INSL6: variants seen among roughly 807,000 people sequenced by gnomAD.
INSL6 encodes the protein insulin like 6, also known as insulin-like peptide INSL6.
Under a neutral mutation model 9.4 loss-of-function variants are expected in INSL6, and 16 were observed. The observed-to-expected ratio is 1.70, with a 90% CI of 1.15 to 2.59. The LOEUF (loss-of-function observed/expected upper bound fraction) is 2.59. Among genes scored for constraint, INSL6 ranks in the 30% most tolerant of loss-of-function variants. The pLI is 0.00. For synonymous variants in INSL6, 154 were observed against 96.9 expected (o/e 1.59, Z -3.46); for missense variants, 391 against 257.3 (o/e 1.52, Z -3.56).
At chr9:5,081,345 A>G in the INSL6 span, among the ~76,000 whole-genome samples, 63 of 152,074 alleles carry the variant, frequency 4.1e-4, no homozygotes, top group African/African-American at 1.4e-3. Flanking sequence ...TCTAAACATG[A>G]GCTGTATTTG....
chr9:5,162,776 C>G (rs1043041432), downstream of INSL6, among the ~76,000 whole-genome samples: 4 of 152,116 alleles, frequency 2.6e-5, no homozygotes, highest in East Asian at 7.7e-4. Flanking sequence ...AACCTTTGTT[C>G]TAAGAATTAA....
chr9:5,154,564 A>T (rs1019210768), intron 2 of INSL6, among the ~76,000 whole-genome samples: 2 of 152,244 alleles, frequency 1.3e-5, no homozygotes, highest in African/African-American at 2.4e-5. Context: ...AAATTTTTGC[A>T]ATCTACTCAT....
chr9:5,175,707 G>C (rs1825286702), intron 1 of INSL6, among the ~76,000 whole-genome samples: 1 of 152,114 alleles, frequency 6.6e-6, no homozygotes, highest in Admixed American at 6.5e-5. Context: ...GATTCTTATA[G>C]GAGTGTGAAC....
chr9:5,113,954 G>A, the INSL6 span: 1 of 263,434 alleles, frequency 3.8e-6, no homozygotes, highest in Non-Finnish European at 7.6e-6. Context: ...CTCATCTCTG[G>A]GTACACCCAG....
chr9:5,180,268 G>A (rs1825420461), intron 1 of INSL6, among the ~76,000 whole-genome samples: 1 of 152,138 alleles, frequency 6.6e-6, no homozygotes. Flanking sequence ...TGTGTTAACT[G>A]TACAAATTGA....
the INSL6 span, among the ~76,000 whole-genome samples, chr9:5,029,570 G>T: frequency 6.6e-6 from 1 of 152,068 alleles, no homozygotes; most frequent in East Asian, 1.9e-4. Flanking sequence ...GTACAATAAT[G>T]CAGGGTGCAC....
At chr9:5,162,768 C>A (rs921255312), downstream of INSL6, among the ~76,000 whole-genome samples, 1 of 152,038 alleles carries the variant, frequency 6.6e-6, no homozygotes, top group Non-Finnish European at 1.5e-5. Flanking sequence ...TGGAAAAGAA[C>A]CTTTGTTCTA....
At chr9:5,112,634 G>A in the INSL6 span, 7 of 998,112 alleles carry the variant, frequency 7.0e-6, 1 homozygote, top group Admixed American at 1.3e-4. Flanking sequence ...CCTCAACAGC[G>A]AGAAGCCCCA....
chr9:5,103,555 T>C, the INSL6 span, among the ~76,000 whole-genome samples: 17 of 152,102 alleles, frequency 1.1e-4, no homozygotes, highest in Non-Finnish European at 2.1e-4. Context: ...TGAACTCAGC[T>C]CTGCACCATG....
At chr9:4,999,891 T>C in the INSL6 span, among the ~76,000 whole-genome samples, 1 of 152,202 alleles carries the variant, frequency 6.6e-6, no homozygotes, top group African/African-American at 2.4e-5. Context: ...CTCCTGTCCT[T>C]TTTCAAAGGA....
chr9:5,069,251 T>C, the INSL6 span: 1 of 1,377,868 alleles, frequency 7.3e-7, no homozygotes, highest in Non-Finnish European at 1.0e-6. Context: ...TGGTCATGGA[T>C]TGTTTATGTG....
intron 1 of INSL6, among the ~76,000 whole-genome samples, chr9:5,164,551 G>A (rs113785352): frequency 1.2e-3 from 185 of 152,306 alleles, no homozygotes; most frequent in African/African-American, 4.3e-3. Context: ...GTGGGTCTTA[G>A]TATATTCGCA....
At chr9:4,998,462 G>A in the INSL6 span, among the ~76,000 whole-genome samples, 5 of 151,962 alleles carry the variant, frequency 3.3e-5, no homozygotes, top group Admixed American at 2.6e-4. Context: ...TCACCATGTT[G>A]GTCAGGCTGG....
chr9:5,126,474 G>A (rs2130865244), intron 3 of INSL6: 1 of 1,441,980 alleles, frequency 6.9e-7, no homozygotes, highest in Middle Eastern at 1.8e-4. Flanking sequence ...ATCCAGGGTA[G>A]TCATGCATTT....
chr9:5,108,024 C>G, the INSL6 span: 1 of 152,132 alleles, frequency 6.6e-6, no homozygotes. Flanking sequence ...GCCTACTTAT[C>G]AGCCTCATCA....
At chr9:5,146,668 G>C (rs1217878775) in intron 2 of INSL6, among the ~76,000 whole-genome samples, 1 of 152,246 alleles carries the variant, frequency 6.6e-6, no homozygotes, top group Non-Finnish European at 1.5e-5. Context: ...GCAGTCAACA[G>C]GGGTTGAGAG....
downstream of INSL6, chr9:5,122,960 C>T: frequency 8.2e-7 from 1 of 1,223,942 alleles, no homozygotes. Flanking sequence ...CAAGAGTCCA[C>T]ATATCAAGTA....
intron 2 of INSL6, among the ~76,000 whole-genome samples, chr9:5,147,165 G>T (rs1042813361): frequency 2.0e-5 from 3 of 152,056 alleles, no homozygotes; most frequent in African/African-American, 7.2e-5. Context: ...GTCTCCTGGG[G>T]GCTCTACCCC....
At chr9:5,174,158 C>T (rs963802561) in intron 1 of INSL6, among the ~76,000 whole-genome samples, 1 of 152,180 alleles carries the variant, frequency 6.6e-6, no homozygotes, top group African/African-American at 2.4e-5. Context: ...ATCACTCTTA[C>T]CAGAAAACTT....
Sources: gnomAD v4.1 joint callset for allele counts (sites outside exome capture counted in the v4.1 genomes callset) on GRCh38, gnomAD v4.1.1 for gene constraint, MANE v1.5 for transcripts, NCBI Gene and HGNC (gene_info 2026-07-23, HGNC 2026-07-21) for gene names.